The following UGT8 variants were observed in gnomAD, a reference collection of about 807,000 sequenced individuals.
UGT8 encodes the protein UDP glycosyltransferase 8, also known as 2-hydroxyacylsphingosine 1-beta-galactosyltransferase.
UGT8 carries 12 observed loss-of-function variants against 40.5 expected under a neutral mutation model. That is an observed-to-expected ratio of 0.30 (90% CI 0.19 to 0.48). UGT8 has a LOEUF of 0.48. Ranked by LOEUF, UGT8 falls within the 20% of genes least tolerant of loss-of-function variation. The pLI is 0.99. For synonymous variants in UGT8, 224 were observed against 240.4 expected (o/e 0.93, Z 0.63); for missense variants, 513 against 648.7 (o/e 0.79, Z 2.27).
chr4:114,627,354 G>A (rs912421169), intron 2 of UGT8, among the ~76,000 whole-genome samples: 1 of 150,918 alleles, frequency 6.6e-6, no homozygotes, highest in Non-Finnish European at 1.5e-5. Flanking sequence ...TGCCTCCCAG[G>A]TTCAAGTGAT....
At chr4:114,672,994 A>G (rs1735395650) in intron 5 of UGT8, among the ~76,000 whole-genome samples, 1 of 152,174 alleles carries the variant, frequency 6.6e-6, no homozygotes, top group Non-Finnish European at 1.5e-5. Context: ...AAGATGGAGA[A>G]TCGATCATTA....
At position 114,662,779 on chromosome 4, in the gene UGT8, CTTAA is replaced by C. The variant is rs368221792; in HGVS notation, c.823-1211_823-1208del. ...CTTAGGCTTAATGTTCCATTAAATA[CTTAA>C]TTAAGGGGTGCAGTGATGCCATTGT... On this transcript the variant is annotated intron_variant, in intron 2 of 5. Transcript: ENST00000310836. Among the ~76,000 whole-genome samples the C allele has an allele frequency of 6.0e-3, 847 of 141,684 alleles. 12 individuals are homozygous for C. Among genetic ancestry groups the C allele is most frequent in the African/African-American group, 0.021 (808 of 38,126 alleles). 93.0% of individuals were successfully genotyped at this position (141,684 alleles called of 152,430 possible). A position where few individuals can be genotyped will look rare whatever the true frequency, so the allele number is the denominator to read the frequency against.
chr4:114,602,238 T>C (rs993922775), intron 1 of UGT8, among the ~76,000 whole-genome samples: 8 of 152,214 alleles, frequency 5.3e-5, no homozygotes, highest in Non-Finnish European at 1.5e-5. Flanking sequence ...ATCGTCTTTG[T>C]TTAGGAATAT....
At chr4:114,650,663 G>C (rs889173905) in intron 2 of UGT8, among the ~76,000 whole-genome samples, 3 of 151,834 alleles carry the variant, frequency 2.0e-5, no homozygotes, top group Non-Finnish European at 4.4e-5. Flanking sequence ...TCTGACTTTT[G>C]GTCATTGGTT....
At chr4:114,649,233 G>T (rs1259029624) in intron 2 of UGT8, among the ~76,000 whole-genome samples, 1 of 152,004 alleles carries the variant, frequency 6.6e-6, no homozygotes, top group Non-Finnish European at 1.5e-5. Flanking sequence ...AATTTACATT[G>T]CAGTCCTTCT....
chr4:114,640,062 G>T (rs1202368428), intron 2 of UGT8, among the ~76,000 whole-genome samples: 2 of 139,604 alleles, frequency 1.4e-5, no homozygotes, highest in Admixed American at 1.5e-4. Context: ...ACGGAGTCTC[G>T]CTCTGTCGCC....
At chr4:114,675,447 AT>A (rs1328190256) in intron 5 of UGT8, among the ~76,000 whole-genome samples, 1 of 152,182 alleles carries the variant, frequency 6.6e-6, no homozygotes, top group African/African-American at 2.4e-5. Flanking sequence ...TTAACATAAG[AT>A]AATGTGTTTA....
intron 1 of UGT8, among the ~76,000 whole-genome samples, chr4:114,607,005 C>T (rs1398666127): frequency 6.6e-6 from 1 of 152,172 alleles, no homozygotes; most frequent in Admixed American, 6.5e-5. Flanking sequence ...TTATAGTTAA[C>T]CATCTCTGAT....
At chr4:114,614,690 T>A (rs532408986) in intron 1 of UGT8, among the ~76,000 whole-genome samples, 2 of 152,234 alleles carry the variant, frequency 1.3e-5, no homozygotes, top group South Asian at 2.1e-4. Flanking sequence ...CAAATAAATA[T>A]AATTTTTCTG....
intron 2 of UGT8, among the ~76,000 whole-genome samples, chr4:114,647,356 T>TTGTG (rs34575248): frequency 0.56 from 79,436 of 143,020 alleles, 22,574 homozygotes; most frequent in Non-Finnish European, 0.63. Flanking sequence ...ATTAGCTCTT[T>TTGTG]TGTGTGTGTG....
At chr4:114,648,484 A>T (rs935919206) in intron 2 of UGT8, among the ~76,000 whole-genome samples, 2 of 150,336 alleles carry the variant, frequency 1.3e-5, no homozygotes, top group Admixed American at 6.7e-5. Flanking sequence ...TCTTGCCATT[A>T]TGGCACAAAA....
chr4:114,632,912 G>A (rs1009072572), intron 2 of UGT8, among the ~76,000 whole-genome samples: 2 of 152,176 alleles, frequency 1.3e-5, no homozygotes, highest in African/African-American at 4.8e-5. Context: ...TGCATTTCCA[G>A]ACTTTTTATC....
At chr4:114,669,419 T>G (rs1229850603) in intron 5 of UGT8, among the ~76,000 whole-genome samples, 1 of 151,864 alleles carries the variant, frequency 6.6e-6, no homozygotes, top group Non-Finnish European at 1.5e-5. Context: ...CACACATACA[T>G]ATACATCATG....
At chr4:114,607,605 T>C (rs1256109668) in intron 1 of UGT8, among the ~76,000 whole-genome samples, 1 of 152,216 alleles carries the variant, frequency 6.6e-6, no homozygotes, top group Admixed American at 6.5e-5. Flanking sequence ...TTCAAAAAGC[T>C]GTATTTCTAA....
At chr4:114,655,658 C>T (rs1734139986) in intron 2 of UGT8, among the ~76,000 whole-genome samples, 2 of 151,928 alleles carry the variant, frequency 1.3e-5, no homozygotes, top group African/African-American at 4.8e-5. Context: ...CTATATGATA[C>T]CCTGTCACCC....
chr4:114,627,703 A>G (rs990538385), intron 2 of UGT8, among the ~76,000 whole-genome samples: 2 of 152,258 alleles, frequency 1.3e-5, no homozygotes, highest in African/African-American at 4.8e-5. Context: ...TTAAAAATAA[A>G]TGTTTCAAGT....
chr4:114,658,618 A>G (rs1350717654), intron 2 of UGT8, among the ~76,000 whole-genome samples: 1 of 152,174 alleles, frequency 6.6e-6, no homozygotes, highest in Non-Finnish European at 1.5e-5. Flanking sequence ...ACTTTTAATT[A>G]TACTTGCACT....
intron 2 of UGT8, among the ~76,000 whole-genome samples, chr4:114,659,336 T>C (rs994769083): frequency 1.3e-5 from 2 of 152,242 alleles, no homozygotes; most frequent in Non-Finnish European, 2.9e-5. Context: ...AAAATTACTT[T>C]ATAGCTATAA....
At chr4:114,632,132 A>G (rs1732617929) in intron 2 of UGT8, among the ~76,000 whole-genome samples, 1 of 152,202 alleles carries the variant, frequency 6.6e-6, no homozygotes, top group African/African-American at 2.4e-5. Context: ...GTAAAGCAGC[A>G]TTTATTGCTG....
Sources: gnomAD v4.1 joint callset for allele counts (sites outside exome capture counted in the v4.1 genomes callset) on GRCh38, gnomAD v4.1.1 for gene constraint, MANE v1.5 for transcripts, NCBI Gene and HGNC (gene_info 2026-07-23, HGNC 2026-07-21) for gene names.